The following VPS26A variants were observed in gnomAD, a reference collection of about 807,000 sequenced individuals.
VPS26A encodes the protein VPS26 retromer complex component A.
VPS26A carries 22 observed loss-of-function variants against 42.4 expected under a neutral mutation model. The ratio of observed to expected loss-of-function variants is 0.52; its 90% CI spans 0.37 to 0.74. VPS26A has a LOEUF of 0.74. Ranked by LOEUF, VPS26A falls within the 30% of genes least tolerant of loss-of-function variation. The probability of loss-of-function intolerance (pLI) is 0.00; values close to 1 mark genes in which losing one functional copy is unlikely to be tolerated. For missense variants in VPS26A, 276 were observed against 379.2 expected (o/e 0.73, Z 2.26); for synonymous variants, 110 against 123.5 (o/e 0.89, Z 0.73).
chr10:69,168,686 G>C, intron 8 of VPS26A, 55 bp downstream of exon 8: 1 of 1,582,470 alleles, frequency 6.3e-7, no homozygotes, highest in Non-Finnish European at 8.6e-7. Flanking sequence ...AAAATACCTC[G>C]AAAGCACTCT....
chr10:69,127,700 T>C (rs760144619), intron 1 of VPS26A, among the ~76,000 whole-genome samples: 4 of 151,864 alleles, frequency 2.6e-5, no homozygotes, highest in Non-Finnish European at 5.9e-5. Flanking sequence ...CTTCCAATTT[T>C]AGTGTTTTGA....
At chr10:69,149,090 T>G (rs551894321) in intron 2 of VPS26A, among the ~76,000 whole-genome samples, 1 of 151,942 alleles carries the variant, frequency 6.6e-6, no homozygotes, top group East Asian at 1.9e-4. Flanking sequence ...TGTTTTTTTT[T>G]ACGTTCATTT....
intron 1 of VPS26A, among the ~76,000 whole-genome samples, chr10:69,131,031 G>A (rs1840765050): frequency 6.6e-6 from 1 of 152,154 alleles, no homozygotes; most frequent in Non-Finnish European, 1.5e-5. Flanking sequence ...TGTTGCCCGG[G>A]CTAGAGCGCA....
intron 1 of VPS26A, 41 bp downstream of exon 1, chr10:69,124,321 T>A: frequency 8.1e-7 from 1 of 1,239,506 alleles, no homozygotes; most frequent in Non-Finnish European, 1.0e-6. Flanking sequence ...CCCGCCCTCG[T>A]CCCGGAGCGC....
At chr10:69,146,454 T>C (rs1262439512) in intron 2 of VPS26A, among the ~76,000 whole-genome samples, 1 of 152,206 alleles carries the variant, frequency 6.6e-6, no homozygotes, top group Non-Finnish European at 1.5e-5. Context: ...TTTTAACAGT[T>C]TTAAAGTATA....
At chr10:69,126,465 G>A (rs1006103732) in intron 1 of VPS26A, among the ~76,000 whole-genome samples, 4 of 151,888 alleles carry the variant, frequency 2.6e-5, no homozygotes, top group Non-Finnish European at 5.9e-5. Context: ...TACTCAGGAG[G>A]CTGAGGCAGG....
In VPS26A at chr10:69,133,538, T is replaced by C. The variant is rs542905284; in HGVS notation, c.153+491T>C. 2.4e-5 allele frequency: 31 copies of C among 1,287,366 alleles called. No homozygotes were observed. The African/African-American group carries it at 4.7e-4, about 20-fold the overall frequency. The allele number at this position is 1,287,366 out of a possible 1,614,324, so 79.7% of individuals were successfully genotyped here. The stretch of plus-strand genomic sequence containing the variant: ...CTGTTGATCTTATTTCTAGGTACTC[T>C]GTAGAGGACTTGAGTACTTTTGGGA... On this transcript the variant is annotated intron_variant, in intron 2 of 8. Coordinates refer to ENST00000263559, the MANE Select transcript of VPS26A (RefSeq NM_004896.5).
At chr10:69,142,437 C>T (rs192597765) in intron 2 of VPS26A, among the ~76,000 whole-genome samples, 1 of 149,526 alleles carries the variant, frequency 6.7e-6, no homozygotes, top group Admixed American at 6.7e-5. Context: ...CAAGTGATTC[C>T]CCAACCTTGA....
chr10:69,152,306 C>T (rs1209461855), intron 2 of VPS26A, among the ~76,000 whole-genome samples: 1 of 152,192 alleles, frequency 6.6e-6, no homozygotes, highest in Non-Finnish European at 1.5e-5. Flanking sequence ...AGAGTATTCT[C>T]TTTCTGTAGT....
At chr10:69,153,468 C>T (rs749240494) in intron 2 of VPS26A, among the ~76,000 whole-genome samples, 1 of 151,836 alleles carries the variant, frequency 6.6e-6, no homozygotes, top group Non-Finnish European at 1.5e-5. Context: ...CACAGTCTCC[C>T]TAGTAGCTGG....
intron 2 of VPS26A, among the ~76,000 whole-genome samples, chr10:69,145,502 C>T (rs1166050243): frequency 6.6e-6 from 1 of 152,116 alleles, no homozygotes; most frequent in Non-Finnish European, 1.5e-5. Flanking sequence ...ACTGCACTGT[C>T]ATACCACCTT....
At position 69,173,059 on chromosome 10, in the gene VPS26A, A is replaced by C. The variant is rs930398298; in HGVS notation, c.*1790A>C. Among the ~76,000 whole-genome samples the C allele has an allele frequency of 2.6e-5, 4 of 152,244 alleles. No homozygotes were observed. Among genetic ancestry groups the C allele is most frequent in the Admixed American group, 1.3e-4 (2 of 15,280 alleles). ...AGGCTGGCTTAAAACTGTCATATAC[A>C]GGATGCCTATCCGTTTTGCTCAAGA... is the stretch of plus-strand genomic sequence containing the variant. On this transcript the variant is annotated 3_prime_UTR_variant, in exon 9 of 9. Coordinates refer to ENST00000263559, the MANE Select transcript of VPS26A (RefSeq NM_004896.5).
intron 6 of VPS26A, among the ~76,000 whole-genome samples, chr10:69,164,556 G>C (rs893772552): frequency 6.6e-6 from 1 of 151,938 alleles, no homozygotes; most frequent in Non-Finnish European, 1.5e-5. Flanking sequence ...AATTTCCCTC[G>C]TTTGTCTTGT....
intron 2 of VPS26A, among the ~76,000 whole-genome samples, chr10:69,153,898 C>A (rs1279850592): frequency 6.6e-6 from 1 of 152,122 alleles, no homozygotes; most frequent in Non-Finnish European, 1.5e-5. Context: ...TAGTAGCCAG[C>A]ACAGGGCTGG....
rs565859308 is a variant in VPS26A at position 69,134,278 on chromosome 10, A to G, written c.153+1231A>G. ...TATGTATATGTAATATATTCAGCAT[A>G]CTTTTTCCTCTATTGTTTGATATTT... On this transcript the variant is annotated intron_variant, in intron 2 of 8. Coordinates refer to ENST00000263559, the MANE Select transcript of VPS26A (RefSeq NM_004896.5). Among the ~76,000 whole-genome samples, 71 of 152,294 alleles carry G rather than the reference A, an allele frequency of 4.7e-4. 1 individual carries two copies. In the South Asian group the frequency reaches 0.015, roughly 32 times the overall value.
At position 69,157,981 on chromosome 10, in the gene VPS26A, G is replaced by T. The variant is rs559122391; in HGVS notation, c.387-66G>T. ...GAAGCCTGAGTTGCAGTTAATGTTT[G>T]CTGATTTAAAACATGAAAATTTATC... is the stretch of plus-strand genomic sequence containing the variant. On this transcript the variant is annotated intron_variant, in intron 4 of 8. Coordinates refer to ENST00000263559, the MANE Select transcript of VPS26A (RefSeq NM_004896.5). The T allele has an allele frequency of 2.2e-6, 3 of 1,385,458 alleles. No homozygotes were observed. The African/African-American group carries it at 4.4e-5, about 20-fold the overall frequency. 85.8% of individuals were successfully genotyped at this position (1,385,458 alleles called of 1,614,324 possible).
intron 1 of VPS26A, among the ~76,000 whole-genome samples, chr10:69,125,575 GTCC>G (rs1478487348): frequency 2.0e-5 from 3 of 151,860 alleles, no homozygotes; most frequent in Non-Finnish European, 2.9e-5. Context: ...AACTTAAAAG[GTCC>G]TCCTATTTTT....
chr10:69,145,332 G>A (rs367855592), intron 2 of VPS26A, among the ~76,000 whole-genome samples: 4 of 152,152 alleles, frequency 2.6e-5, no homozygotes, highest in African/African-American at 9.7e-5. Flanking sequence ...ACCACACCCG[G>A]CCTAAATTTT....
intron 2 of VPS26A, among the ~76,000 whole-genome samples, chr10:69,152,980 A>G (rs868846202): frequency 1.3e-5 from 2 of 151,054 alleles, no homozygotes; most frequent in Non-Finnish European, 1.5e-5. Flanking sequence ...AAAAAAAAAA[A>G]AAGAAACCTG....
Sources: allele counts gnomAD v4.1 joint callset (sites outside exome capture counted in the v4.1 genomes callset), GRCh38; gene constraint gnomAD v4.1.1; transcripts MANE v1.5; gene names NCBI Gene and HGNC (gene_info 2026-07-23, HGNC 2026-07-21).